PCDHGA3: variants seen among roughly 807,000 people sequenced by gnomAD.
The protein encoded by PCDHGA3 is protocadherin gamma-A3.
Under a neutral mutation model 58.5 loss-of-function variants are expected in PCDHGA3, and 40 were observed. That is an observed-to-expected ratio of 0.68 (90% CI 0.53 to 0.89). The LOEUF is 0.89. Ranked by LOEUF, PCDHGA3 falls within the 40% of genes least tolerant of loss-of-function variation. PCDHGA3 has a pLI of 0.00. For missense variants in PCDHGA3, 1,223 were observed against 1,195.9 expected, an observed-to-expected ratio of 1.02 and a Z score of -0.33; for synonymous variants, 530 against 525.7, an observed-to-expected ratio of 1.01 and a Z score of -0.11.
At position 141,346,212 on chromosome 5, in the gene PCDHGA3, G is replaced by C. The variant is rs750104038; in HGVS notation, c.2179G>C (p.Ala727Pro). Residue 727 changes from alanine (A) to proline (P), a missense_variant, in exon 1 of 4, where the codon GCT becomes CCT. This residue lies in a region of PCDHGA3 where 325 missense variants were observed against 327.5 expected (regional missense o/e 0.99). Transcript: ENST00000253812. The stretch of plus-strand genomic sequence containing the variant: ...CTGGCACAAGTCACGCCTGCTGCAG[G>C]CTTCGGGAGGCGGCTTGGCGAGTAC... ...RRWHKSRLLQASGGGLASTPG... is the reference protein window; with the variant it reads ...RRWHKSRLLQPSGGGLASTPG... 17 of 1,614,182 alleles carry C rather than the reference G, an allele frequency of 1.1e-5. No individual in the cohort carries two copies. In the South Asian group the frequency reaches 1.9e-4, roughly 18 times the overall value.
In PCDHGA3 at chr5:141,410,110, C is replaced by G. The variant is rs1361292941; in HGVS notation, c.2424+63653C>G. The G allele has an allele frequency of 6.8e-6, 11 of 1,612,422 alleles. No homozygotes were observed. In the African/African-American group the frequency reaches 1.3e-4, roughly 20 times the overall value. ...CGGCTCGAGCCTTAGGCGACAGGGA[C>G]GCAGCCCGCCAGCGCCTGCTGGTCG... is the stretch of plus-strand genomic sequence containing the variant. On this transcript the variant is annotated intron_variant, in intron 1 of 3. Coordinates refer to ENST00000253812, the MANE Select transcript of PCDHGA3 (RefSeq NM_018916.4).
intron 1 of PCDHGA3, chr5:141,390,878 G>A (rs2092258677): frequency 6.5e-6 from 1 of 153,282 alleles, no homozygotes; most frequent in Non-Finnish European, 1.5e-5. Flanking sequence ...GTGTGTGTGT[G>A]TGTGTGTGTG....
intron 2 of PCDHGA3, among the ~76,000 whole-genome samples, chr5:141,503,681 A>C (rs1313633991): frequency 6.6e-6 from 1 of 152,102 alleles, no homozygotes; most frequent in Non-Finnish European, 1.5e-5. Context: ...ACTTTTGGGA[A>C]GGAGAATTGA....
chr5:141,347,451 G>A (rs961019414), intron 1 of PCDHGA3, among the ~76,000 whole-genome samples: 1 of 151,988 alleles, frequency 6.6e-6, no homozygotes, highest in African/African-American at 2.4e-5. Context: ...CACCATGCCT[G>A]GCCTGTTATT....
intron 1 of PCDHGA3, among the ~76,000 whole-genome samples, chr5:141,444,646 G>T (rs1023259048): frequency 1.3e-5 from 2 of 152,098 alleles, no homozygotes; most frequent in Non-Finnish European, 2.9e-5. Flanking sequence ...TGAGGTAGGG[G>T]TTGAAGTTAT....
chr5:141,365,924 G>C, intron 1 of PCDHGA3: 1 of 1,614,212 alleles, frequency 6.2e-7, no homozygotes, highest in Non-Finnish European at 8.5e-7. Flanking sequence ...ACAGTTGTGG[G>C]TGACAGCCAG....
intron 1 of PCDHGA3, chr5:141,356,099 A>C (rs769953317): frequency 1.2e-6 from 2 of 1,613,764 alleles, no homozygotes; most frequent in African/African-American, 1.3e-5. Flanking sequence ...CTGAGTGGGG[A>C]TATAACAATA....
chr5:141,454,832 G>A (rs1311246854), intron 1 of PCDHGA3, among the ~76,000 whole-genome samples: 2 of 75,830 alleles, frequency 2.6e-5, no homozygotes, highest in African/African-American at 1.3e-4. Context: ...TTTTGAGACA[G>A]AGTCGCGCTC....
chr5:141,447,775 AT>A (rs1463090729), intron 1 of PCDHGA3, among the ~76,000 whole-genome samples: 2 of 152,212 alleles, frequency 1.3e-5, no homozygotes, highest in Non-Finnish European at 2.9e-5. Flanking sequence ...TTATACTTTA[AT>A]TGAAAATAAA....
In PCDHGA3 at chr5:141,345,253, C is replaced by A. The variant is rs1259196746; in HGVS notation, c.1220C>A (p.Ala407Asp). ...SIDQYYRLVT[A>D]TSLDREQISE... ...GATCAATATTACCGCTTAGTGACGG[C>A]CACATCCCTGGACCGCGAACAAATA... Residue 407 changes from alanine to aspartate, a missense_variant, in exon 1 of 4, where the codon GCC (alanine) becomes GAC (aspartate). Physicochemically the swap from Ala to Asp is moderately radical, Grantham distance 126 (BLOSUM62 -2). Transcript: ENST00000253812. 1.2e-6 allele frequency: 2 copies of A among 1,613,946 alleles called. No homozygotes were observed. The highest frequency in any genetic ancestry group is 1.7e-5 in the Admixed American group (1 of 60,028).
chr5:141,409,711 A>T (rs768917889), intron 1 of PCDHGA3: 1 of 1,613,204 alleles, frequency 6.2e-7, no homozygotes, highest in Non-Finnish European at 8.5e-7. Flanking sequence ...CGGTGTCGTC[A>T]TACGTGTCAG....
At chr5:141,351,128 C>G in intron 1 of PCDHGA3, 3 of 1,614,056 alleles carry the variant, frequency 1.9e-6, no homozygotes, top group Non-Finnish European at 2.5e-6. Context: ...CCTCTTCAAT[C>G]TCAATCCAAA....
At chr5:141,380,197 G>A (rs1222877039) in intron 1 of PCDHGA3, among the ~76,000 whole-genome samples, 1 of 152,144 alleles carries the variant, frequency 6.6e-6, no homozygotes, top group East Asian at 1.9e-4. Flanking sequence ...ACTGAGCCCG[G>A]CCTGAAAGGC....
At position 141,363,833 on chromosome 5, in the gene PCDHGA3, T is replaced by A. The variant is rs533178318; in HGVS notation, c.2424+17376T>A. 4.7e-4 allele frequency among the ~76,000 whole-genome samples: 71 copies of A among 152,330 alleles called. 1 individual carries two copies. In the South Asian group the frequency reaches 4.8e-3, roughly 10 times the overall value. ...AATCCTACAAAGGTAAGAATTTGAA[T>A]GTCCTAATTTAATGGACTAAATATA... is the stretch of plus-strand genomic sequence containing the variant. On this transcript the variant is annotated intron_variant, in intron 1 of 3. Transcript: ENST00000253812.
At chr5:141,430,827 T>A in intron 1 of PCDHGA3, 1 of 1,551,000 alleles carries the variant, frequency 6.4e-7, no homozygotes, top group South Asian at 1.3e-5. Flanking sequence ...CTGGGGACTC[T>A]GTGGGAGACC....
chr5:141,362,004 G>C (rs779926353), intron 1 of PCDHGA3: 4 of 1,604,470 alleles, frequency 2.5e-6, no homozygotes, highest in Non-Finnish European at 3.4e-6. Flanking sequence ...GGTTGCGCAC[G>C]GGTGAGGTGC....
In PCDHGA3 at chr5:141,374,203, G is replaced by T. The variant is rs375029709; in HGVS notation, c.2424+27746G>T. On this transcript the variant is annotated intron_variant, in intron 1 of 3. Transcript: ENST00000253812. ...GCTACTCTATTCCCGAGGAGCTGGA[G>T]AAAGGCTCCTTCGTAGGCAACATCG... 4.3e-6 allele frequency: 7 copies of T among 1,613,808 alleles called. No homozygotes were observed. The East Asian group carries it at 1.1e-4, about 26-fold the overall frequency.
chr5:141,375,253 C>G, intron 1 of PCDHGA3: 1 of 1,613,916 alleles, frequency 6.2e-7, no homozygotes, highest in Non-Finnish European at 8.5e-7. Flanking sequence ...CGAGAAGTCT[C>G]CCATTTGAAT....
chr5:141,444,920 G>A (rs2098451595), intron 1 of PCDHGA3, among the ~76,000 whole-genome samples: 1 of 152,110 alleles, frequency 6.6e-6, no homozygotes, highest in Non-Finnish European at 1.5e-5. Context: ...ACCTTTATCA[G>A]GGAAAGAGGG....
Sources: gnomAD v4.1 joint callset for allele counts (sites outside exome capture counted in the v4.1 genomes callset) on GRCh38, gnomAD v4.1.1 for gene constraint, gnomAD v4.1.1 regional missense constraint, MANE v1.5 for transcripts, NCBI Gene and HGNC (gene_info 2026-07-23, HGNC 2026-07-21) for gene names.